ATRX: variants seen among roughly 807,000 people sequenced by gnomAD.
ATRX encodes the protein chromatin remodeler ATRX.
ATRX carries 12 observed loss-of-function variants against 172.6 expected under a neutral mutation model. That is an observed-to-expected ratio of 0.07 (90% CI 0.04 to 0.11). The LOEUF is 0.11. Among genes scored for constraint, ATRX ranks in the 10% least tolerant of loss-of-function variants. The pLI is 1.00. For missense variants in ATRX, 1,368 were observed against 1,767.4 expected (o/e 0.77, Z 4.05); for synonymous variants, 674 against 594.7 (o/e 1.13, Z -1.94).
In ATRX at chrX:77,683,732, G is replaced by A; in HGVS notation, c.1524C>T (p.Asn508=). ...TATCCATGTCTAAATCTTCAGAAGTGTTGGCAGGTTCATATTGAGGTTCTT... is the reference window on the plus strand; with the variant it reads ...TATCCATGTCTAAATCTTCAGAAGTATTGGCAGGTTCATATTGAGGTTCTT... ...RKEEPQYEPA[N]TSEDLDMDIV... Residue 508 remains asparagine, a synonymous_variant, in exon 9 of 35, where the codon AAC becomes AAT. Transcript: ENST00000373344. The A allele has an allele frequency of 1.1e-5, 13 of 1,210,978 alleles. No individual in the cohort carries two copies. The highest frequency in any genetic ancestry group is 1.5e-5 in the Non-Finnish European group (13 of 895,034).
chrX:77,630,268 G>C (rs1203381614), intron 19 of ATRX, among the ~76,000 whole-genome samples: 3 of 112,014 alleles, frequency 2.7e-5, no homozygotes, highest in Non-Finnish European at 3.8e-5. Flanking sequence ...AGAGAAATTA[G>C]ATGTTCATGG....
At chrX:77,557,105 T>G (rs1557059439) in intron 30 of ATRX, among the ~76,000 whole-genome samples, 1 of 112,081 alleles carries the variant, frequency 8.9e-6, no homozygotes. Context: ...AAATTCACCA[T>G]ATGAATAAAT....
chrX:77,608,368 CAAAA>C (rs782356472), intron 22 of ATRX, among the ~76,000 whole-genome samples: 1 of 37,835 alleles, frequency 2.6e-5, no homozygotes. Flanking sequence ...GACCCCGTCT[CAAAA>C]AAAAAAAAAA....
At chrX:77,677,752 TAGAC>T (rs782626429) in intron 9 of ATRX, among the ~76,000 whole-genome samples, 12 of 110,142 alleles carry the variant, frequency 1.1e-4, no homozygotes, top group Admixed American at 7.8e-4. Flanking sequence ...TACTGATGGA[TAGAC>T]AGAAGGATAT....
rs141498874 is a variant in ATRX at position 77,741,354 on chromosome X, A to C, written c.21-24111T>G. 8.3e-3 allele frequency among the ~76,000 whole-genome samples: 911 copies of C among 110,020 alleles called. 13 individuals carry two copies. The highest frequency in any genetic ancestry group is 0.029 in the African/African-American group (873 of 30,420). ...AGTTCTTTACACATTCTGGATATTA[A>C]ACCCTCATCAGTCATATGATTTGCA... On this transcript the variant is annotated intron_variant, in intron 1 of 34. Coordinates refer to ENST00000373344, the MANE Select transcript of ATRX (RefSeq NM_000489.6).
chrX:77,654,570 TA>T (rs782632448), intron 13 of ATRX, among the ~76,000 whole-genome samples: 5 of 107,316 alleles, frequency 4.7e-5, no homozygotes, highest in African/African-American at 6.7e-5. Flanking sequence ...CACAGAGATT[TA>T]AAAAAAAAAG....
At chrX:77,543,693 C>G (rs2064110830) in intron 30 of ATRX, among the ~76,000 whole-genome samples, 1 of 110,411 alleles carries the variant, frequency 9.1e-6, no homozygotes, top group South Asian at 3.9e-4. Context: ...TCATTCTCTG[C>G]AAACTGACAC....
At chrX:77,519,369 A>C (rs781813224) in intron 34 of ATRX, among the ~76,000 whole-genome samples, 29 of 111,824 alleles carry the variant, frequency 2.6e-4, no homozygotes, top group African/African-American at 8.8e-4. Flanking sequence ...TCTCGAAAGA[A>C]GACATACAAA....
At chrX:77,688,749 C>CT in intron 7 of ATRX, 69 bp downstream of exon 7, 3 of 917,755 alleles carry the variant, frequency 3.3e-6, no homozygotes, top group Admixed American at 4.4e-5. Context: ...AGACTGTGCC[C>CT]TCAAAGGCCT....
intron 30 of ATRX, among the ~76,000 whole-genome samples, chrX:77,525,383 C>A (rs45599836): frequency 6.3e-5 from 7 of 111,557 alleles, no homozygotes; most frequent in Non-Finnish European, 1.3e-4. Context: ...GCCCACCCCC[C>A]CAACACATAC....
At chrX:77,523,454 T>C (rs2063293000) in intron 30 of ATRX, 53 bp from the exon 31 acceptor site, 1 of 1,118,237 alleles carries the variant, frequency 8.9e-7, no homozygotes. Context: ...CTGGACAGTA[T>C]AATATCTCCA....
chrX:77,773,377 C>G, intron 1 of ATRX, among the ~76,000 whole-genome samples: 1 of 110,635 alleles, frequency 9.0e-6, no homozygotes, highest in South Asian at 3.8e-4. Flanking sequence ...AAACTCTCCC[C>G]AATTCTGTAG....
Position 77,608,177 on chromosome X carries a change from C to T in ATRX, c.5567-7613G>A, listed in dbSNP as rs782642586. On this transcript the variant is annotated intron_variant, in intron 22 of 34. Coordinates refer to ENST00000373344, the MANE Select transcript of ATRX (RefSeq NM_000489.6). ...CAGGCGGATCATGAGGTCAGGAGAT[C>T]GAGACCACAGTGAAACCCCGCCTCT... 7.4e-5 allele frequency among the ~76,000 whole-genome samples: 8 copies of T among 108,744 alleles called. No homozygotes were observed. In the East Asian group the frequency reaches 1.4e-3, roughly 20 times the overall value. The allele number at this position is 108,744 out of a possible 115,157, so 94.4% of individuals were successfully genotyped here.
At chrX:77,562,320 T>C (rs1557062443) in intron 28 of ATRX, among the ~76,000 whole-genome samples, 1 of 112,335 alleles carries the variant, frequency 8.9e-6, no homozygotes, top group African/African-American at 3.2e-5. Context: ...GATACATTTC[T>C]GAGAGTGTAA....
chrX:77,629,512 T>C (rs182904623), intron 19 of ATRX, among the ~76,000 whole-genome samples: 1 of 112,212 alleles, frequency 8.9e-6, no homozygotes, highest in East Asian at 2.8e-4. Context: ...TACCCAGCTA[T>C]GGCAGAGGAA....
intron 15 of ATRX, among the ~76,000 whole-genome samples, chrX:77,649,199 G>A (rs2069083727): frequency 9.1e-6 from 1 of 109,769 alleles, no homozygotes; most frequent in African/African-American, 3.3e-5. Flanking sequence ...AGGAAGGAAG[G>A]AAGGAAGGGA....
chrX:77,575,530 T>TA (rs2065585720), intron 27 of ATRX: 1 of 111,531 alleles, frequency 9.0e-6, no homozygotes, highest in African/African-American at 3.2e-5. Context: ...ATGACTATTT[T>TA]AAAAAGCATT....
At chrX:77,748,939 C>T (rs2075198587) in intron 1 of ATRX, among the ~76,000 whole-genome samples, 2 of 111,222 alleles carry the variant, frequency 1.8e-5, no homozygotes. Context: ...CTATGACAGG[C>T]TATTTACTAA....
intron 1 of ATRX, among the ~76,000 whole-genome samples, chrX:77,759,327 A>G (rs1206357298): frequency 2.7e-5 from 3 of 110,783 alleles, no homozygotes; most frequent in Admixed American, 9.7e-5. Context: ...AAGAATGCTC[A>G]TGAGAACAGT....
Sources: gnomAD v4.1 joint callset for allele counts (sites outside exome capture counted in the v4.1 genomes callset) on GRCh38, gnomAD v4.1.1 for gene constraint, MANE v1.5 for transcripts, NCBI Gene and HGNC (gene_info 2026-07-23, HGNC 2026-07-21) for gene names.